Variants in RPSA2 observed in about 807,000 individuals in gnomAD.
The protein encoded by RPSA2 is small ribosomal subunit protein uS2B.
At chr19:23,774,456 G>C in the RPSA2 span, among the ~76,000 whole-genome samples, 1 of 145,666 alleles carries the variant, frequency 6.9e-6, no homozygotes, top group Non-Finnish European at 1.5e-5. Flanking sequence ...TGGCAAGGGA[G>C]ATTGAGACAT....
the RPSA2 span, among the ~76,000 whole-genome samples, chr19:23,778,008 TTCGTAGATTCTA>T: frequency 1.3e-5 from 2 of 152,230 alleles, no homozygotes; most frequent in African/African-American, 4.8e-5. Flanking sequence ...TTGTCTCTTC[TTCGTAGATTCTA>T]TCCCCCAAAA....
the RPSA2 span, among the ~76,000 whole-genome samples, chr19:23,858,105 A>AATAT: frequency 5.1e-4 from 76 of 149,748 alleles, no homozygotes; most frequent in East Asian, 1.4e-3. Flanking sequence ...AGTATAAGCA[A>AATAT]ATATATATAT....
At chr19:23,811,987 A>G in the RPSA2 span, among the ~76,000 whole-genome samples, 1 of 152,186 alleles carries the variant, frequency 6.6e-6, no homozygotes, top group Non-Finnish European at 1.5e-5. Flanking sequence ...TTGCCATACA[A>G]TAGATATCAG....
At chr19:23,832,672 A>G in the RPSA2 span, 2 of 1,483,454 alleles carry the variant, frequency 1.3e-6, no homozygotes, top group Non-Finnish European at 1.8e-6. Flanking sequence ...TCTATGGTTC[A>G]TTACCCTAAC....
chr19:23,790,787 G>T, the RPSA2 span: 2 of 528,352 alleles, frequency 3.8e-6, no homozygotes, highest in Non-Finnish European at 7.0e-6. Flanking sequence ...GAGATTGCCA[G>T]TTCCGACATC....
At chr19:23,833,960 AC>A in the RPSA2 span, among the ~76,000 whole-genome samples, 1 of 152,116 alleles carries the variant, frequency 6.6e-6, no homozygotes, top group East Asian at 1.9e-4. Flanking sequence ...ATTTGGAAAA[AC>A]ATTTTTTCAA....
chr19:23,823,123 G>T, the RPSA2 span, among the ~76,000 whole-genome samples: 2 of 152,122 alleles, frequency 1.3e-5, no homozygotes, highest in Non-Finnish European at 2.9e-5. Context: ...CATCAAAAGA[G>T]GGCCATTGTA....
the RPSA2 span, among the ~76,000 whole-genome samples, chr19:23,761,915 T>TCC: frequency 1.4e-4 from 3 of 21,582 alleles, no homozygotes; most frequent in African/African-American, 4.3e-4. Flanking sequence ...TTTCTTTCTT[T>TCC]CTTTCTTTTT....
the RPSA2 span, among the ~76,000 whole-genome samples, chr19:23,840,707 C>T: frequency 6.6e-6 from 1 of 151,972 alleles, no homozygotes; most frequent in Non-Finnish European, 1.5e-5. Flanking sequence ...CCTGTAATCC[C>T]AGCACTCTGG....
chr19:23,860,521 G>A, the RPSA2 span, among the ~76,000 whole-genome samples: 44 of 152,194 alleles, frequency 2.9e-4, 1 homozygote, highest in Middle Eastern at 0.01. Flanking sequence ...TTTAGAACTG[G>A]AATCATATTA....
chr19:23,822,603 C>T, the RPSA2 span, among the ~76,000 whole-genome samples: 2 of 152,110 alleles, frequency 1.3e-5, no homozygotes, highest in African/African-American at 4.8e-5. Context: ...ATAAATAGGT[C>T]CCTGTGTTTT....
the RPSA2 span, chr19:23,782,600 A>T: frequency 6.6e-6 from 1 of 152,136 alleles, no homozygotes; most frequent in Non-Finnish European, 1.5e-5. Flanking sequence ...CAAAACAGTG[A>T]TGTAATTATT....
the RPSA2 span, among the ~76,000 whole-genome samples, chr19:23,845,678 C>T: frequency 1.7e-4 from 26 of 152,112 alleles, no homozygotes; most frequent in East Asian, 5.8e-4. Context: ...TTTTTTGTAG[C>T]AATGCGGTTT....
At chr19:23,827,765 T>TC in the RPSA2 span, 1 of 1,587,744 alleles carries the variant, frequency 6.3e-7, no homozygotes, top group Non-Finnish European at 8.5e-7. Flanking sequence ...GCCTGATCTG[T>TC]ACTTCTACAG....
chr19:23,787,357 C>T, the RPSA2 span, among the ~76,000 whole-genome samples: 2 of 151,762 alleles, frequency 1.3e-5, no homozygotes, highest in African/African-American at 2.4e-5. Context: ...AATCCCAGTA[C>T]TTTGGGAGGC....
At chr19:23,780,440 G>A in the RPSA2 span, among the ~76,000 whole-genome samples, 2 of 152,052 alleles carry the variant, frequency 1.3e-5, no homozygotes, top group African/African-American at 2.4e-5. Context: ...TCAGGAGATC[G>A]AGACCATCCT....
the RPSA2 span, among the ~76,000 whole-genome samples, chr19:23,820,047 C>G: frequency 2.6e-5 from 4 of 152,174 alleles, no homozygotes; most frequent in East Asian, 3.9e-4. Flanking sequence ...TGGGGAAAGC[C>G]TTGACCCATC....
At chr19:23,802,346 TCAGGA>T in the RPSA2 span, among the ~76,000 whole-genome samples, 1 of 152,186 alleles carries the variant, frequency 6.6e-6, no homozygotes, top group Admixed American at 6.5e-5. Flanking sequence ...AGCTAGCTAA[TCAGGA>T]CAGGAGATCC....
chr19:23,863,766 T>G, the RPSA2 span, among the ~76,000 whole-genome samples: 1 of 152,162 alleles, frequency 6.6e-6, no homozygotes, highest in African/African-American at 2.4e-5. Flanking sequence ...GTAAAGATAA[T>G]AATGAAATAA....
Sources: gnomAD v4.1 joint callset for allele counts (sites outside exome capture counted in the v4.1 genomes callset) on GRCh38, gnomAD v4.1.1 for gene constraint, MANE v1.5 for transcripts, NCBI Gene and HGNC (gene_info 2026-07-23, HGNC 2026-07-21) for gene names.